LINGO2: variants seen among roughly 807,000 people sequenced by gnomAD.
LINGO2 encodes the protein leucine-rich repeat and immunoglobulin-like domain-containing nogo receptor-interacting protein 2.
Under a neutral mutation model 30.6 loss-of-function variants are expected in LINGO2, and 14 were observed. The ratio of observed to expected loss-of-function variants is 0.46; its 90% CI spans 0.30 to 0.72. The LOEUF is 0.72. LINGO2 is among the 30% of genes least tolerant of loss of function. The pLI, the probability that LINGO2 is intolerant of heterozygous loss-of-function variation, is 0.07. For missense variants in LINGO2, 729 were observed against 751.7 expected, an observed-to-expected ratio of 0.97 and a Z score of 0.35; for synonymous variants, 317 against 288.5, an observed-to-expected ratio of 1.10 and a Z score of -1.00.
chr9:28,323,537 T>G (rs1009121807), intron 3 of LINGO2, among the ~76,000 whole-genome samples: 1 of 152,018 alleles, frequency 6.6e-6, no homozygotes, highest in Non-Finnish European at 1.5e-5. Context: ...GAGGCAGAGG[T>G]TGCACTGAGC....
chr9:28,875,362 T>C, the LINGO2 span, among the ~76,000 whole-genome samples: 1 of 152,040 alleles, frequency 6.6e-6, no homozygotes, highest in Non-Finnish European at 1.5e-5. Context: ...GTGAGAACCA[T>C]TTGAAAGTAA....
the LINGO2 span, among the ~76,000 whole-genome samples, chr9:29,122,941 A>G: frequency 1.3e-5 from 2 of 152,126 alleles, no homozygotes; most frequent in Non-Finnish European, 2.9e-5. Flanking sequence ...ATACATACAA[A>G]TCACCTACAG....
intron 2 of LINGO2, among the ~76,000 whole-genome samples, chr9:28,419,493 G>A (rs1823101060): frequency 1.3e-5 from 2 of 151,896 alleles, no homozygotes; most frequent in South Asian, 2.1e-4. Flanking sequence ...TCATAAGCAA[G>A]TCTGACTCCA....
chr9:28,343,310 G>A (rs1360357815), intron 3 of LINGO2, among the ~76,000 whole-genome samples: 1 of 152,050 alleles, frequency 6.6e-6, no homozygotes. Flanking sequence ...ATAAACACAC[G>A]CAAACATACA....
chr9:28,335,196 T>C (rs1825551156), intron 3 of LINGO2, among the ~76,000 whole-genome samples: 1 of 152,122 alleles, frequency 6.6e-6, no homozygotes, highest in African/African-American at 2.4e-5. Flanking sequence ...GGTGTCACAT[T>C]CTCAATACAT....
At chr9:28,565,465 G>A (rs141798320) in intron 1 of LINGO2, among the ~76,000 whole-genome samples, 2,118 of 151,694 alleles carry the variant, frequency 0.014, 44 homozygotes, top group African/African-American at 0.047. Flanking sequence ...GATTGTAGGC[G>A]TGAGGCATCA....
chr9:28,488,315 G>A (rs1201249083), intron 1 of LINGO2, among the ~76,000 whole-genome samples: 1 of 152,114 alleles, frequency 6.6e-6, no homozygotes, highest in Non-Finnish European at 1.5e-5. Context: ...CACATAAACA[G>A]GGAAACTTAC....
chr9:28,269,070 C>T (rs530649694), intron 4 of LINGO2, among the ~76,000 whole-genome samples: 2 of 152,236 alleles, frequency 1.3e-5, no homozygotes, highest in African/African-American at 4.8e-5. Flanking sequence ...CAAACTCTTA[C>T]ACATCCTTCA....
chr9:28,459,015 T>G (rs1824966715), intron 2 of LINGO2, among the ~76,000 whole-genome samples: 1 of 151,848 alleles, frequency 6.6e-6, no homozygotes, highest in Non-Finnish European at 1.5e-5. Context: ...TGCAACATGA[T>G]TTATTCAATA....
the LINGO2 span, among the ~76,000 whole-genome samples, chr9:28,913,628 C>T: frequency 1.3e-5 from 2 of 152,068 alleles, no homozygotes; most frequent in East Asian, 3.9e-4. Flanking sequence ...GGTATACATA[C>T]ATGAGTCTAA....
intron 4 of LINGO2, among the ~76,000 whole-genome samples, chr9:28,194,625 AAAAAG>A (rs1297018521): frequency 6.6e-6 from 1 of 151,918 alleles, no homozygotes; most frequent in East Asian, 1.9e-4. Flanking sequence ...AAAATGCATA[AAAAAG>A]AAAACTCAAA....
chr9:28,535,450 T>C (rs988662115), intron 1 of LINGO2, among the ~76,000 whole-genome samples: 1 of 151,712 alleles, frequency 6.6e-6, no homozygotes, highest in Non-Finnish European at 1.5e-5. Flanking sequence ...GAGGGTGAGA[T>C]TCCCATAGCC....
intron 4 of LINGO2, among the ~76,000 whole-genome samples, chr9:28,247,340 G>A (rs1341649294): frequency 3.9e-5 from 6 of 152,254 alleles, no homozygotes; most frequent in Middle Eastern, 3.4e-3. Context: ...CAAAGAGATG[G>A]AACCAACCCA....
At chr9:28,189,215 G>A (rs1174505149) in intron 4 of LINGO2, among the ~76,000 whole-genome samples, 6 of 146,686 alleles carry the variant, frequency 4.1e-5, no homozygotes, top group African/African-American at 1.5e-4. Flanking sequence ...TACCATATTA[G>A]GAAGGAAAGA....
At chr9:27,941,644 G>A in the LINGO2 span, 1 of 152,182 alleles carries the variant, frequency 6.6e-6, no homozygotes, top group East Asian at 1.9e-4. Flanking sequence ...GAGCCACAGG[G>A]AGTAAAGATG....
At chr9:28,716,131 C>G in the LINGO2 span, among the ~76,000 whole-genome samples, 19 of 151,610 alleles carry the variant, frequency 1.3e-4, no homozygotes, top group East Asian at 3.3e-3. Context: ...TTTCTGTACA[C>G]TTAAAATGCC....
intron 4 of LINGO2, among the ~76,000 whole-genome samples, chr9:28,058,413 A>G (rs1825028075): frequency 6.6e-6 from 1 of 152,166 alleles, no homozygotes; most frequent in South Asian, 2.1e-4. Context: ...AGTTTTACAC[A>G]AGAGAGTGAG....
the LINGO2 span, among the ~76,000 whole-genome samples, chr9:28,993,086 T>C: frequency 6.6e-6 from 1 of 152,076 alleles, no homozygotes. Flanking sequence ...AGCTGGTTTT[T>C]TGAAAGGATA....
intron 4 of LINGO2, among the ~76,000 whole-genome samples, chr9:28,021,285 T>C (rs1167353754): frequency 6.6e-6 from 1 of 152,174 alleles, no homozygotes; most frequent in Non-Finnish European, 1.5e-5. Context: ...CAAGTGTCTT[T>C]TAATTTCTAA....
Sources: allele counts gnomAD v4.1 joint callset (sites outside exome capture counted in the v4.1 genomes callset), GRCh38; gene constraint gnomAD v4.1.1; transcripts MANE v1.5; gene names NCBI Gene and HGNC (gene_info 2026-07-23, HGNC 2026-07-21).